COL5A2: variants seen among roughly 807,000 people sequenced by gnomAD.
COL5A2 encodes collagen alpha-2(V) chain.
A neutral mutation model predicts 208.2 loss-of-function variants in COL5A2; 23 were observed. The observed-to-expected ratio is 0.11, with a 90% CI of 0.08 to 0.16. The LOEUF (loss-of-function observed/expected upper bound fraction) is 0.16. Ranked by LOEUF, COL5A2 falls within the 10% of genes least tolerant of loss-of-function variation. The pLI, the probability that COL5A2 is intolerant of heterozygous loss-of-function variation, is 1.00. For synonymous variants in COL5A2, 625 were observed against 628.5 expected (o/e 0.99, Z 0.08); for missense variants, 1,590 against 1,956.4 (o/e 0.81, Z 3.53).
intron 1 of COL5A2, among the ~76,000 whole-genome samples, chr2:189,127,143 T>C (rs746710285): frequency 1.3e-5 from 2 of 151,918 alleles, no homozygotes; most frequent in Non-Finnish European, 2.9e-5. Context: ...GTAGAATTTA[T>C]CCAGAAACGA....
intron 17 of COL5A2, among the ~76,000 whole-genome samples, chr2:189,073,294 T>C (rs1686327228): frequency 6.6e-6 from 1 of 152,134 alleles, no homozygotes; most frequent in Non-Finnish European, 1.5e-5. Flanking sequence ...CAAAATAAAA[T>C]TGTTCCATGG....
the COL5A2 span, among the ~76,000 whole-genome samples, chr2:189,269,826 T>A: frequency 6.6e-6 from 1 of 152,174 alleles, no homozygotes; most frequent in Non-Finnish European, 1.5e-5. Context: ...CAGCTCCTCT[T>A]TGTACCTCTG....
the COL5A2 span, among the ~76,000 whole-genome samples, chr2:189,268,958 T>C: frequency 1.3e-5 from 2 of 152,114 alleles, no homozygotes; most frequent in East Asian, 3.9e-4. Flanking sequence ...CGTGTGTCTC[T>C]AAAACTTTGT....
upstream of COL5A2, among the ~76,000 whole-genome samples, chr2:189,183,161 AC>A (rs1688805123): frequency 6.6e-6 from 1 of 152,142 alleles, no homozygotes; most frequent in Non-Finnish European, 1.5e-5. Flanking sequence ...TGGCAGAGAC[AC>A]CAACATCCCT....
chr2:189,276,986 T>C, the COL5A2 span, among the ~76,000 whole-genome samples: 1 of 152,174 alleles, frequency 6.6e-6, no homozygotes, highest in East Asian at 1.9e-4. Context: ...GTAGCCTAAA[T>C]TGATATTTGG....
At chr2:189,121,916 T>C (rs1207842993) in intron 1 of COL5A2, among the ~76,000 whole-genome samples, 2 of 152,084 alleles carry the variant, frequency 1.3e-5, no homozygotes, top group African/African-American at 2.4e-5. Context: ...TGAAGTAAGA[T>C]ATTAAATACC....
At chr2:189,336,227 A>C in the COL5A2 span, among the ~76,000 whole-genome samples, 1 of 152,180 alleles carries the variant, frequency 6.6e-6, no homozygotes, top group South Asian at 2.1e-4. Context: ...GAAATAAAAA[A>C]GATAAATAAT....
At chr2:189,379,330 T>G in the COL5A2 span, among the ~76,000 whole-genome samples, 1,365 of 152,356 alleles carry the variant, frequency 9.0e-3, 16 homozygotes, top group Admixed American at 0.015. Context: ...AATGACTCTG[T>G]GAACCCACAG....
chr2:189,335,737 C>A, the COL5A2 span, among the ~76,000 whole-genome samples: 1 of 151,712 alleles, frequency 6.6e-6, no homozygotes. Flanking sequence ...AGTAAATTAC[C>A]AGCTGCCAGG....
chr2:189,152,522 G>A (rs1035086111), intron 1 of COL5A2, among the ~76,000 whole-genome samples: 5 of 152,196 alleles, frequency 3.3e-5, no homozygotes, highest in African/African-American at 1.2e-4. Flanking sequence ...AGAATTCACA[G>A]TGGAACACAG....
At chr2:189,432,770 A>G in the COL5A2 span, among the ~76,000 whole-genome samples, 2 of 152,186 alleles carry the variant, frequency 1.3e-5, no homozygotes, top group Non-Finnish European at 2.9e-5. Context: ...TAGACAGATC[A>G]ATGAGACAGA....
the COL5A2 span, among the ~76,000 whole-genome samples, chr2:189,319,641 C>T: frequency 6.6e-6 from 1 of 152,334 alleles, no homozygotes; most frequent in African/African-American, 2.4e-5. Context: ...ATTGCTGAGG[C>T]TTGAGTAGGT....
intron 47 of COL5A2, among the ~76,000 whole-genome samples, chr2:189,044,606 C>T (rs543378342): frequency 6.6e-6 from 1 of 152,146 alleles, no homozygotes; most frequent in African/African-American, 2.4e-5. Flanking sequence ...AATAATATGG[C>T]CATGATTTTC....
chr2:189,384,242 C>T, the COL5A2 span, among the ~76,000 whole-genome samples: 1 of 151,978 alleles, frequency 6.6e-6, no homozygotes, highest in Non-Finnish European at 1.5e-5. Context: ...CTCTTTGATA[C>T]CTATTTCCTT....
At chr2:189,196,137 G>A in intron 1 of COL5A2, among the ~76,000 whole-genome samples, 1 of 152,114 alleles carries the variant, frequency 6.6e-6, no homozygotes, top group East Asian at 1.9e-4. Flanking sequence ...CAAGAAATGG[G>A]CAAAGGATGT....
At chr2:189,243,711 T>C in the COL5A2 span, among the ~76,000 whole-genome samples, 1 of 152,140 alleles carries the variant, frequency 6.6e-6, no homozygotes, top group Non-Finnish European at 1.5e-5. Flanking sequence ...CCACAAAGTC[T>C]TAACTCATTT....
At chr2:189,278,068 A>G in the COL5A2 span, among the ~76,000 whole-genome samples, 1 of 152,024 alleles carries the variant, frequency 6.6e-6, no homozygotes, top group Non-Finnish European at 1.5e-5. Flanking sequence ...AACCACAGAA[A>G]CCTTGGAGAT....
the COL5A2 span, among the ~76,000 whole-genome samples, chr2:189,263,649 C>T: frequency 2.6e-5 from 4 of 152,164 alleles, no homozygotes; most frequent in African/African-American, 9.6e-5. Flanking sequence ...ATTTATGGTA[C>T]ATGCCCAATA....
At position 189,045,923 on chromosome 2, in the gene COL5A2, A is replaced by G. The variant is rs1280488930; in HGVS notation, c.3202-16T>C. On this transcript the variant is annotated splice_polypyrimidine_tract_variant and intron_variant, in intron 45 of 53. Coordinates refer to ENST00000374866, the MANE Select transcript of COL5A2 (RefSeq NM_000393.5). ...CACGATCACCCTAACAAGAATAACCATGATATTATTTTTTAACATTTATTC... is the reference window on the plus strand; with the variant it reads ...CACGATCACCCTAACAAGAATAACCGTGATATTATTTTTTAACATTTATTC... The G allele has an allele frequency of 1.0e-5, 16 of 1,596,586 alleles. No homozygotes were observed. Among genetic ancestry groups the G allele is most frequent in the Non-Finnish European group, 7.7e-6 (9 of 1,164,290 alleles).
Sources: gnomAD v4.1 joint callset for allele counts (sites outside exome capture counted in the v4.1 genomes callset) on GRCh38, gnomAD v4.1.1 for gene constraint, MANE v1.5 for transcripts, NCBI Gene and HGNC (gene_info 2026-07-23, HGNC 2026-07-21) for gene names.